Variants in MEN1 observed in about 807,000 individuals in gnomAD.
MEN1 encodes menin.
MEN1 carries 6 observed loss-of-function variants against 58.0 expected under a neutral mutation model. The ratio of observed to expected loss-of-function variants is 0.10; its 90% CI spans 0.06 to 0.20. The LOEUF is 0.20. Among genes scored for constraint, MEN1 ranks in the 10% least tolerant of loss-of-function variants. MEN1 has a pLI of 1.00. For synonymous variants in MEN1, 346 were observed against 350.7 expected (o/e 0.99, Z 0.15); for missense variants, 492 against 818.5 (o/e 0.60, Z 4.87).
At position 64,810,316 on chromosome 11, in the gene MEN1, C is replaced by A. The variant is rs1393815573; in HGVS notation, c.-23-184G>T. 5.0e-6 allele frequency: 3 copies of A among 594,828 alleles called. No individual in the cohort carries two copies. In the Admixed American group the frequency reaches 8.9e-5, roughly 18 times the overall value. The allele number at this position is 594,828 out of a possible 1,614,324, so 36.8% of individuals were successfully genotyped here. On this transcript the variant is annotated intron_variant, in intron 1 of 9. Coordinates refer to ENST00000450708, the MANE Select transcript of MEN1 (RefSeq NM_001370259.2). The stretch of plus-strand genomic sequence containing the variant: ...AGACCCCTCAGCCGAGACTGCAGAG[C>A]CTTTTTGTCCCCCACAATTCCGGGA...
In MEN1 at chr11:64,803,960, ACCT is replaced by A; in HGVS notation, c.*371_*373del. On this transcript the variant is annotated 3_prime_UTR_variant, in exon 10 of 10. Coordinates refer to ENST00000450708, the MANE Select transcript of MEN1 (RefSeq NM_001370259.2). ...CTGTGCTCCTTGGGTTAAGGGTGAA[ACCT>A]CAGCTCCTACAAGCTGGGAGGAGCC... 2.5e-6 allele frequency: 1 copy of A among 397,296 alleles called. No homozygotes were observed. Among genetic ancestry groups the A allele is most frequent in the African/African-American group, 2.0e-5 (1 of 50,376 alleles). 24.6% of individuals were successfully genotyped at this position (397,296 alleles called of 1,614,324 possible).
rs755734265 is a variant in MEN1 at position 64,804,763 on chromosome 11, C to T, written c.1404G>A (p.Glu468=). ...CCCGGGCTTCCTCGCCCCACGGCTCCTCGGCCTCGGCCGCCTCGGCCTCTC... is the reference window on the plus strand; with the variant it reads ...CCCGGGCTTCCTCGCCCCACGGCTCTTCGGCCTCGGCCGCCTCGGCCTCTC... ...VSREAEAAEA[E]EPWGEEAREG... The change falls in exon 10 of 10, where the codon GAG becomes GAA. Residue 468 remains glutamate (E), a synonymous_variant. Coordinates refer to ENST00000450708, the MANE Select transcript of MEN1 (RefSeq NM_001370259.2). This position sits in a 1 kb window ranked among gnomAD's most constrained non-coding sequence, Gnocchi z 4.2. 1.6e-5 allele frequency: 25 copies of T among 1,596,770 alleles called. No individual in the cohort carries two copies. The highest frequency in any genetic ancestry group is 1.8e-5 in the Non-Finnish European group (21 of 1,178,786).
In MEN1 at chr11:64,809,742, T is replaced by G. The variant is rs2136181539; in HGVS notation, c.368A>C (p.Asp123Ala). 1 of 1,614,082 alleles carries G rather than the reference T, an allele frequency of 6.2e-7. No individual in the cohort carries two copies. Among genetic ancestry groups the G allele is most frequent in the East Asian group, 2.2e-5 (1 of 44,888 alleles). ...GCGGCTGAGGCTGTTCCATATGACA[T>G]CGGAGACCTTCTTCACCAGCTCACG... ...SSRELVKKVS[D>A]VIWNSLSRSY... The change falls in exon 2 of 10, where the codon GAT (aspartate) becomes GCT (alanine). Residue 123 changes from aspartate to alanine, a missense_variant. Asp to Ala is a moderately radical substitution (Grantham distance 126). Transcript: ENST00000450708.
rs1287373530 is a variant in MEN1 at position 64,803,634 on chromosome 11, T to A, written c.*700A>T. ...AACCCTCTGCAGATTTCCTCCGGGATGCTCCGAGATGGGCTGGACCTCTGG... is the reference window on the plus strand; with the variant it reads ...AACCCTCTGCAGATTTCCTCCGGGAAGCTCCGAGATGGGCTGGACCTCTGG... On this transcript the variant is annotated 3_prime_UTR_variant, in exon 10 of 10. Coordinates refer to ENST00000450708, the MANE Select transcript of MEN1 (RefSeq NM_001370259.2). 6 of 234,648 alleles carry A rather than the reference T, an allele frequency of 2.6e-5. No homozygotes were observed. Among genetic ancestry groups the A allele is most frequent in the Non-Finnish European group, 5.0e-5 (6 of 118,862 alleles). 14.5% of individuals were successfully genotyped at this position (234,648 alleles called of 1,614,324 possible).
intron 8 of MEN1, 35 bp from the exon 9 acceptor site, chr11:64,805,233 TCTTA>T: frequency 1.2e-6 from 2 of 1,609,162 alleles, no homozygotes; most frequent in Non-Finnish European, 1.7e-6. Context: ...CAGATCAGTC[TCTTA>T]CTCACCCCTT....
In MEN1 at chr11:64,804,293, G is replaced by A. The variant is rs757368629; in HGVS notation, c.*41C>T. The A allele has an allele frequency of 6.2e-7, 1 of 1,613,698 alleles. No individual in the cohort carries two copies. Among genetic ancestry groups the A allele is most frequent in the African/African-American group, 1.3e-5 (1 of 75,060 alleles). ...GGCTCAGAGTTGGGGGACTAAGGGCGGAGCCTGGGTCCCCACAAGCGGTCC... is the reference window on the plus strand; with the variant it reads ...GGCTCAGAGTTGGGGGACTAAGGGCAGAGCCTGGGTCCCCACAAGCGGTCC... On this transcript the variant is annotated 3_prime_UTR_variant, in exon 10 of 10. Coordinates refer to ENST00000450708, the MANE Select transcript of MEN1 (RefSeq NM_001370259.2). This position sits in a 1 kb window ranked among gnomAD's most constrained non-coding sequence, Gnocchi z 4.2.
rs757323408 is a variant in MEN1, at chr11:64,806,297, G to A, written c.984C>T (p.His328=). The stretch of plus-strand genomic sequence containing the variant: ...CTTCCCGCACATTGCGGTTGCGACA[G>A]TGGTAGCCAGCCAGGTACATGTAGG... ...IYPYMYLAGY[H]CRNRNVREAL... The change falls in exon 7 of 10, where the codon CAC becomes CAT. Residue 328 remains histidine, a synonymous_variant. Transcript: ENST00000450708. 1.2e-6 allele frequency: 2 copies of A among 1,614,222 alleles called. No individual in the cohort carries two copies. The highest frequency in any genetic ancestry group is 8.5e-7 in the Non-Finnish European group (1 of 1,180,022).
In MEN1 at chr11:64,807,335, C is replaced by G; in HGVS notation, c.784-116G>C. ...AGGGACCACCCACCATGTGGAAGGG[C>G]CAAAATTCTGGGACCAGCCCTTTAA... On this transcript the variant is annotated intron_variant, in intron 4 of 9. Coordinates refer to ENST00000450708, the MANE Select transcript of MEN1 (RefSeq NM_001370259.2). This position sits in a 1 kb window ranked among gnomAD's most constrained non-coding sequence, Gnocchi z 4.9. 7.9e-7 allele frequency: 1 copy of G among 1,272,652 alleles called. No homozygotes were observed. The allele number at this position is 1,272,652 out of a possible 1,614,324, so 78.8% of individuals were successfully genotyped here.
At chr11:64,805,968 C>T in intron 7 of MEN1, 198 bp from the exon 8 acceptor site, 2 of 666,658 alleles carry the variant, frequency 3.0e-6, no homozygotes, top group Non-Finnish European at 5.2e-6. Flanking sequence ...GGTGGAAGTC[C>T]CACTGCTGGA....
chr11:64,809,562 G>T, intron 2 of MEN1, 103 bp downstream of exon 2: 2 of 1,426,060 alleles, frequency 1.4e-6, no homozygotes, highest in Non-Finnish European at 1.9e-6. Context: ...AATAACACCT[G>T]CCGAACCTCA....
chr11:64,807,442 T>C lies in MEN1; in HGVS notation c.783+110A>G. 1 of 1,262,902 alleles carries C rather than the reference T, an allele frequency of 7.9e-7. No homozygotes were observed. The highest frequency in any genetic ancestry group is 1.1e-6 in the Non-Finnish European group (1 of 883,400). 78.2% of individuals were successfully genotyped at this position (1,262,902 alleles called of 1,614,324 possible). On this transcript the variant is annotated intron_variant, in intron 4 of 9. Coordinates refer to ENST00000450708, the MANE Select transcript of MEN1 (RefSeq NM_001370259.2). The surrounding 1 kb of genome is among the most constrained non-coding windows in gnomAD (Gnocchi z 4.9). ...CCAGGCCAGGAATTACTAACCCATT[T>C]TTCCAGGAGGGGAAGCTGAAGCTCA... is the stretch of plus-strand genomic sequence containing the variant.
Position 64,807,257 on chromosome 11 carries a change from GGGA to G in MEN1, c.784-41_784-39del. The G allele has an allele frequency of 1.2e-6, 2 of 1,605,352 alleles. No individual in the cohort carries two copies. Among genetic ancestry groups the G allele is most frequent in the African/African-American group, 1.3e-5 (1 of 75,032 alleles). ...GGAGAGAGTTATGAGCCACGGAACAGGGAGGAGAACGGGTCCTTAGCCTATCGG... is the reference window on the plus strand; with the variant it reads ...GGAGAGAGTTATGAGCCACGGAACAGGGAGAACGGGTCCTTAGCCTATCGG... On this transcript the variant is annotated intron_variant, in intron 4 of 9. Transcript: ENST00000450708. The surrounding 1 kb of genome is among the most constrained non-coding windows in gnomAD (Gnocchi z 4.9).
At chr11:64,805,923 G>C in intron 7 of MEN1, 153 bp from the exon 8 acceptor site, 1 of 808,330 alleles carries the variant, frequency 1.2e-6, no homozygotes, top group Non-Finnish European at 2.1e-6. Context: ...CCCAGAGGAA[G>C]AAAGCAAGAA....
rs563783609 is a variant in MEN1, at chr11:64,804,062, A to G, written c.*272T>C. 93 of 512,270 alleles carry G rather than the reference A, an allele frequency of 1.8e-4. No individual in the cohort carries two copies. The highest frequency in any genetic ancestry group is 1.6e-3 in the African/African-American group (82 of 52,606). 31.7% of individuals were successfully genotyped at this position (512,270 alleles called of 1,614,324 possible). On this transcript the variant is annotated 3_prime_UTR_variant, in exon 10 of 10. Transcript: ENST00000450708. The surrounding 1 kb of genome is among the most constrained non-coding windows in gnomAD (Gnocchi z 4.2). ...TGGGTTTCTAGGGGCTGGGCCTTTA[A>G]AGACTGGTAATTAGGACCCAGCGTG...
intron 8 of MEN1, 123 bp from the exon 9 acceptor site, chr11:64,805,321 A>G (rs1941643436): frequency 8.6e-7 from 1 of 1,169,058 alleles, no homozygotes; most frequent in African/African-American, 1.5e-5. Flanking sequence ...ATAGGTTGGG[A>G]ACATTCTTAG....
At position 64,804,072 on chromosome 11, in the gene MEN1, A is replaced by C. The variant is rs1941461975; in HGVS notation, c.*262T>G. 1.9e-6 allele frequency: 1 copy of C among 530,396 alleles called. No individual in the cohort carries two copies. Among genetic ancestry groups the C allele is most frequent in the African/African-American group, 1.9e-5 (1 of 52,786 alleles). The allele number at this position is 530,396 out of a possible 1,614,324, so 32.9% of individuals were successfully genotyped here. The stretch of plus-strand genomic sequence containing the variant: ...GGGGCTGGGCCTTTAAAGACTGGTA[A>C]TTAGGACCCAGCGTGAGGTTTCCAT... On this transcript the variant is annotated 3_prime_UTR_variant, in exon 10 of 10. Transcript: ENST00000450708. The surrounding 1 kb of genome is among the most constrained non-coding windows in gnomAD (Gnocchi z 4.2).
Position 64,804,092 on chromosome 11 carries a change from T to C in MEN1, c.*242A>G, listed in dbSNP as rs1741701866. On this transcript the variant is annotated 3_prime_UTR_variant, in exon 10 of 10. Coordinates refer to ENST00000450708, the MANE Select transcript of MEN1 (RefSeq NM_001370259.2). The surrounding 1 kb of genome is among the most constrained non-coding windows in gnomAD (Gnocchi z 4.2). Reference sequence around the variant, plus strand: ...TGGTAATTAGGACCCAGCGTGAGGTTTCCATTGGCCGGCTGGGATTCTGGG... The same window carrying C: ...TGGTAATTAGGACCCAGCGTGAGGTCTCCATTGGCCGGCTGGGATTCTGGG... 1.8e-6 allele frequency: 1 copy of C among 568,080 alleles called. No homozygotes were observed. The highest frequency in any genetic ancestry group is 3.1e-6 in the Non-Finnish European group (1 of 318,392). 35.2% of individuals were successfully genotyped at this position (568,080 alleles called of 1,614,324 possible).
At chr11:64,806,406 G>C (rs1374896678) in intron 6 of MEN1, 38 bp from the exon 7 acceptor site, 2 of 1,613,552 alleles carry the variant, frequency 1.2e-6, no homozygotes, top group Non-Finnish European at 1.7e-6. Flanking sequence ...CAGGGAGGCA[G>C]CCCCAGCTGC....
intron 7 of MEN1, 175 bp from the exon 8 acceptor site, chr11:64,805,945 G>C: frequency 1.4e-6 from 1 of 712,684 alleles, no homozygotes; most frequent in Non-Finnish European, 2.4e-6. Context: ...GAGGAGGGGG[G>C]CATGGGGCCG....
Sources: gnomAD v4.1 joint callset for allele counts on GRCh38, gnomAD v4.1.1 for gene constraint, Gnocchi (gnomAD v3.1) non-coding constraint, MANE v1.5 for transcripts, NCBI Gene and HGNC (gene_info 2026-07-23, HGNC 2026-07-21) for gene names.